EPHB1: variants seen among roughly 807,000 people sequenced by gnomAD.
EPHB1 encodes the protein ephrin type-B receptor 1.
In EPHB1, 30 loss-of-function variants were observed where a neutral mutation model predicts 94.4. The observed-to-expected ratio is 0.32, with a 90% CI of 0.24 to 0.43. The LOEUF is 0.43. Ranked by LOEUF, EPHB1 falls within the 20% of genes least tolerant of loss-of-function variation. The pLI is 1.00. For missense variants in EPHB1, 1,055 were observed against 1,308.3 expected (o/e 0.81, Z 2.99); for synonymous variants, 522 against 489.1 (o/e 1.07, Z -0.89).
intron 3 of EPHB1, among the ~76,000 whole-genome samples, chr3:135,081,220 G>A (rs1252364560): frequency 6.6e-6 from 1 of 152,152 alleles, no homozygotes; most frequent in Non-Finnish European, 1.5e-5. Flanking sequence ...CTTTGAATAT[G>A]TTCCTCACAA....
chr3:134,999,280 T>C (rs944314016), intron 3 of EPHB1, among the ~76,000 whole-genome samples: 7 of 152,076 alleles, frequency 4.6e-5, no homozygotes, highest in African/African-American at 7.2e-5. Context: ...GTTACTGTTG[T>C]TGGAATGGGG....
At chr3:134,824,751 A>G (rs1042063953) in intron 1 of EPHB1, among the ~76,000 whole-genome samples, 1 of 152,200 alleles carries the variant, frequency 6.6e-6, no homozygotes, top group African/African-American at 2.4e-5. Context: ...CTGGGAACCT[A>G]GTCGCTGTGT....
At chr3:134,895,017 A>G (rs532424049) in intron 1 of EPHB1, among the ~76,000 whole-genome samples, 34 of 152,362 alleles carry the variant, frequency 2.2e-4, no homozygotes, top group Admixed American at 5.9e-4. Flanking sequence ...GGGCTTCTGC[A>G]TTGAAACAGG....
At chr3:134,925,043 T>C (rs1420449788) in intron 1 of EPHB1, among the ~76,000 whole-genome samples, 5 of 152,246 alleles carry the variant, frequency 3.3e-5, no homozygotes, top group Admixed American at 2.0e-4. Flanking sequence ...TATCAAATCA[T>C]ACATTTTAAA....
chr3:134,952,099 A>G, intron 3 of EPHB1, 47 bp downstream of exon 3: 1 of 1,534,934 alleles, frequency 6.5e-7, no homozygotes, highest in Non-Finnish European at 8.8e-7. Flanking sequence ...GCAGGGCCAG[A>G]TCTGCAAGGT....
At chr3:135,185,514 C>G (rs192858821) in intron 10 of EPHB1, among the ~76,000 whole-genome samples, 1 of 152,312 alleles carries the variant, frequency 6.6e-6, no homozygotes, top group East Asian at 1.9e-4. Context: ...TTATTTAAGT[C>G]TCTTATTGCT....
At chr3:135,046,689 C>T (rs1937009537) in intron 3 of EPHB1, among the ~76,000 whole-genome samples, 1 of 152,174 alleles carries the variant, frequency 6.6e-6, no homozygotes, top group African/African-American at 2.4e-5. Flanking sequence ...GGGGGTGGGG[C>T]CGAGCAATCT....
intron 7 of EPHB1, among the ~76,000 whole-genome samples, chr3:135,164,256 G>T (rs148504117): frequency 6.6e-6 from 1 of 152,104 alleles, no homozygotes; most frequent in Non-Finnish European, 1.5e-5. Context: ...ATTGACTTCC[G>T]TCTTTAAAAT....
At chr3:135,125,753 A>G (rs1940170245) in intron 4 of EPHB1, among the ~76,000 whole-genome samples, 1 of 152,104 alleles carries the variant, frequency 6.6e-6, no homozygotes, top group African/African-American at 2.4e-5. Flanking sequence ...TTATCCTCCA[A>G]TCCATCCTGC....
At chr3:134,999,861 G>C (rs770481431) in intron 3 of EPHB1, among the ~76,000 whole-genome samples, 2 of 152,192 alleles carry the variant, frequency 1.3e-5, no homozygotes, top group Non-Finnish European at 2.9e-5. Context: ...AAGTGGCCTT[G>C]ATTAAGCCAG....
intron 9 of EPHB1, among the ~76,000 whole-genome samples, chr3:135,179,450 A>T (rs1942089527): frequency 1.3e-5 from 2 of 152,182 alleles, no homozygotes; most frequent in South Asian, 2.1e-4. Flanking sequence ...GCCTCCACTC[A>T]GGAAAGTTGT....
intron 3 of EPHB1, among the ~76,000 whole-genome samples, chr3:135,054,756 A>G (rs1420870418): frequency 6.6e-6 from 1 of 152,292 alleles, no homozygotes; most frequent in East Asian, 1.9e-4. Flanking sequence ...TTACGTATTC[A>G]TTCCTTATAA....
At chr3:135,110,131 T>A (rs1396794874) in intron 4 of EPHB1, among the ~76,000 whole-genome samples, 1 of 152,210 alleles carries the variant, frequency 6.6e-6, no homozygotes, top group African/African-American at 2.4e-5. Flanking sequence ...TGTGAAAAAC[T>A]ATACAGAAGG....
At chr3:135,167,668 GTC>G (rs1553743906) in intron 9 of EPHB1, among the ~76,000 whole-genome samples, 2 of 152,270 alleles carry the variant, frequency 1.3e-5, no homozygotes, top group Non-Finnish European at 2.9e-5. Context: ...TCTGAGAAAG[GTC>G]TCTCTAGGTC....
intron 12 of EPHB1, among the ~76,000 whole-genome samples, chr3:135,221,673 G>A (rs1048156416): frequency 2.6e-5 from 4 of 152,118 alleles, no homozygotes; most frequent in Non-Finnish European, 5.9e-5. Flanking sequence ...TGTTAACTTG[G>A]AGTCAGTTAC....
chr3:135,003,517 T>G (rs1346574359), intron 3 of EPHB1, among the ~76,000 whole-genome samples: 68 of 149,646 alleles, frequency 4.5e-4, no homozygotes, highest in Admixed American at 1.1e-3. Flanking sequence ...GTATCCTTGT[T>G]GACTTTCTGT....
intron 3 of EPHB1, among the ~76,000 whole-genome samples, chr3:134,979,964 TC>T (rs1213230907): frequency 1.3e-5 from 2 of 152,238 alleles, no homozygotes; most frequent in Non-Finnish European, 2.9e-5. Flanking sequence ...ATTTGGGTTA[TC>T]CCACATTGCA....
Position 134,952,082 on chromosome 3 carries a change from A to C in EPHB1, c.805+30A>C, listed in dbSNP as rs745877265. On this transcript the variant is annotated intron_variant, in intron 3 of 15. Coordinates refer to ENST00000398015, the MANE Select transcript of EPHB1 (RefSeq NM_004441.5). Reference sequence around the variant, plus strand: ...GCTTTGGAGCCTCTGCTTCCTGCCCATCTATGGCAGGGCCAGATCTGCAAG... The same window carrying C: ...GCTTTGGAGCCTCTGCTTCCTGCCCCTCTATGGCAGGGCCAGATCTGCAAG... 2.9e-5 allele frequency: 46 copies of C among 1,561,762 alleles called. 1 individual carries two copies. In the South Asian group the frequency reaches 5.5e-4, roughly 19 times the overall value.
chr3:134,935,808 T>G (rs966433744), intron 2 of EPHB1, among the ~76,000 whole-genome samples: 2 of 138,472 alleles, frequency 1.4e-5, no homozygotes, highest in Non-Finnish European at 3.2e-5. Context: ...CACCCTGTTA[T>G]TAATAGCAGT....
Sources: gnomAD v4.1 joint callset for allele counts (sites outside exome capture counted in the v4.1 genomes callset) on GRCh38, gnomAD v4.1.1 for gene constraint, MANE v1.5 for transcripts, NCBI Gene and HGNC (gene_info 2026-07-23, HGNC 2026-07-21) for gene names.